Variants in EP300 observed in about 807,000 individuals in gnomAD.
EP300 encodes the protein histone acetyltransferase p300.
EP300 carries 31 observed loss-of-function variants against 264.0 expected under a neutral mutation model. The observed-to-expected ratio is 0.12, with a 90% CI of 0.09 to 0.16. The LOEUF is 0.16. Among genes scored for constraint, EP300 ranks in the 10% least tolerant of loss-of-function variants. EP300 has a pLI of 1.00. For missense variants in EP300, 2,766 were observed against 3,052.9 expected, an observed-to-expected ratio of 0.91 and a Z score of 2.21; for synonymous variants, 1,340 against 1,045.4, an observed-to-expected ratio of 1.28 and a Z score of -5.44.
intron 22 of EP300, 58 bp downstream of exon 22, chr22:41,164,188 G>T: frequency 6.8e-7 from 1 of 1,473,670 alleles, no homozygotes. Context: ...ATATTAACAA[G>T]TTTTTTATTC....
In EP300 at chr22:41,149,954, C is replaced by G. The variant is rs751375792; in HGVS notation, c.2573C>G (p.Thr858Arg). The G allele has an allele frequency of 6.2e-7, 1 of 1,613,636 alleles. No individual in the cohort carries two copies. Among genetic ancestry groups the G allele is most frequent in the Non-Finnish European group, 8.5e-7 (1 of 1,179,898 alleles). Residue 858 changes from threonine to arginine, a missense_variant, in exon 14 of 31, where the codon ACA (threonine) becomes AGA (arginine). Physicochemically the swap from Thr to Arg is moderately conservative, Grantham distance 71 (BLOSUM62 -1). Coordinates refer to ENST00000263253, the MANE Select transcript of EP300 (RefSeq NM_001429.4). ...SIGAQQPPATTIPAPVPTPPA... is the reference protein window; with the variant it reads ...SIGAQQPPATRIPAPVPTPPA... ...GGGGCTCAGCAGCCACCAGCAACAACAATTCCAGCCCCTGTTCCTACACCT... is the reference window on the plus strand; with the variant it reads ...GGGGCTCAGCAGCCACCAGCAACAAGAATTCCAGCCCCTGTTCCTACACCT...
chr22:41,148,791 T>A lies in EP300; in HGVS notation c.2242-247T>A. 3 of 553,014 alleles carry A rather than the reference T, an allele frequency of 5.4e-6. 1 individual carries two copies. The South Asian group carries it at 6.2e-5, about 11-fold the overall frequency. 34.3% of individuals were successfully genotyped at this position (553,014 alleles called of 1,614,324 possible). Reference sequence around the variant, plus strand: ...ATTTGTGTACCAAGAGAATGTGTGTTCCATCCTCTTACTATTTCTTGGAGT... The same window carrying A: ...ATTTGTGTACCAAGAGAATGTGTGTACCATCCTCTTACTATTTCTTGGAGT... On this transcript the variant is annotated intron_variant, in intron 12 of 30. Transcript: ENST00000263253.
rs1008340511 is a variant in EP300 at position 41,146,726 on chromosome 22, T to C, written c.2054-13T>C. 1 of 1,613,596 alleles carries C rather than the reference T, an allele frequency of 6.2e-7. No individual in the cohort carries two copies. The highest frequency in any genetic ancestry group is 1.3e-5 in the African/African-American group (1 of 75,044). On this transcript the variant is annotated splice_polypyrimidine_tract_variant and intron_variant, in intron 10 of 30. Transcript: ENST00000263253. Reference sequence around the variant, plus strand: ...GATGGTGCAAAGATACTTATTTCTCTTTTTTACTCTAGATGGCCCTCTACC... The same window carrying C: ...GATGGTGCAAAGATACTTATTTCTCCTTTTTACTCTAGATGGCCCTCTACC...
intron 3 of EP300, 60 bp from the exon 4 acceptor site, chr22:41,127,427 A>G (rs1420708580): frequency 1.1e-5 from 18 of 1,601,058 alleles, no homozygotes; most frequent in East Asian, 8.9e-5. Flanking sequence ...CCACATCTCT[A>G]TTTATTAAGA....
chr22:41,117,675 T>G lies in EP300; in HGVS notation c.583T>G (p.Ser195Ala). 6.2e-7 allele frequency: 1 copy of G among 1,614,160 alleles called. No homozygotes were observed. ...AATGCCTAATCAAGTCATGAACGGT[T>G]CAATTGGAGCAGGCCGAGGGCGACA... The part of the protein sequence containing the change: ...GIMPNQVMNG[S>A]IGAGRGRQNM... Residue 195 changes from serine to alanine, a missense_variant, in exon 2 of 31, where the codon TCA becomes GCA. Coordinates refer to ENST00000263253, the MANE Select transcript of EP300 (RefSeq NM_001429.4).
intron 1 of EP300, among the ~76,000 whole-genome samples, chr22:41,112,712 T>TG: frequency 6.6e-6 from 1 of 150,726 alleles, no homozygotes. Context: ...TTATATTGTT[T>TG]TTTTTTTTTA....
At chr22:41,153,881 A>C (rs2059061318) in intron 16 of EP300, among the ~76,000 whole-genome samples, 2 of 152,158 alleles carry the variant, frequency 1.3e-5, no homozygotes, top group African/African-American at 4.8e-5. Context: ...GCAACCCCCC[A>C]GAGGTGAAAA....
chr22:41,151,743 T>G, intron 14 of EP300, 90 bp from the exon 15 acceptor site: 1 of 1,344,454 alleles, frequency 7.4e-7, no homozygotes, highest in Non-Finnish European at 1.1e-6. Flanking sequence ...GGTGGCTAAT[T>G]CTGCTATCCT....
At chr22:41,134,295 G>A (rs115717156) in intron 6 of EP300, among the ~76,000 whole-genome samples, 9 of 151,624 alleles carry the variant, frequency 5.9e-5, no homozygotes, top group East Asian at 3.9e-4. Flanking sequence ...AGAAACGTAC[G>A]TGTGTGTTTG....
At chr22:41,176,164 G>A (rs2145511575) in intron 29 of EP300, 83 bp from the exon 30 acceptor site, 1 of 1,531,550 alleles carries the variant, frequency 6.5e-7, no homozygotes, top group Non-Finnish European at 9.0e-7. Flanking sequence ...AGGTTGTAGT[G>A]AGCCAAGATC....
intron 1 of EP300, among the ~76,000 whole-genome samples, chr22:41,097,421 C>G (rs144642799): frequency 7.3e-4 from 110 of 151,720 alleles, no homozygotes; most frequent in African/African-American, 2.6e-3. Flanking sequence ...TTGTGTTTTT[C>G]TTTGCTTTTC....
At chr22:41,169,454 A>G (rs1449454235) in intron 25 of EP300, 49 bp from the exon 26 acceptor site, 2 of 1,175,978 alleles carry the variant, frequency 1.7e-6, no homozygotes, top group Non-Finnish European at 2.5e-6. Context: ...AGAACTCATT[A>G]TGTGACCTGA....
intron 22 of EP300, 57 bp downstream of exon 22, chr22:41,164,187 A>G: frequency 1.4e-6 from 2 of 1,477,424 alleles, no homozygotes; most frequent in Non-Finnish European, 1.9e-6. Flanking sequence ...AATATTAACA[A>G]GTTTTTTATT....
At chr22:41,121,221 C>T (rs1263185912) in intron 2 of EP300, among the ~76,000 whole-genome samples, 1 of 152,014 alleles carries the variant, frequency 6.6e-6, no homozygotes, top group Non-Finnish European at 1.5e-5. Context: ...CTGCCTAGAA[C>T]TTTGTGTGGC....
chr22:41,177,815 A>G lies in EP300; in HGVS notation c.6104A>G (p.Gln2035Arg), dbSNP rs768280269. ...ATGGCTCCACAACCAGGATTGGGCC[A>G]GGTAGGTATCAGCCCACTCAAACCA... is the stretch of plus-strand genomic sequence containing the variant. ...LNMAPQPGLG[Q>R]VGISPLKPGT... The change falls in exon 31 of 31, where the codon CAG (glutamine) becomes CGG (arginine). Residue 2035 changes from glutamine (Q) to arginine (R), a missense_variant. Gln to Arg is a conservative substitution (Grantham distance 43, BLOSUM62 1). Transcript: ENST00000263253. The G allele has an allele frequency of 1.2e-6, 2 of 1,614,116 alleles. No homozygotes were observed. Among genetic ancestry groups the G allele is most frequent in the East Asian group, 2.2e-5 (1 of 44,888 alleles).
At chr22:41,130,614 A>G (rs2058913192) in intron 5 of EP300, among the ~76,000 whole-genome samples, 1 of 152,184 alleles carries the variant, frequency 6.6e-6, no homozygotes, top group Admixed American at 6.5e-5. Flanking sequence ...CTCAATACTT[A>G]TTATTTATAC....
At chr22:41,127,356 G>C (rs908079493) in intron 3 of EP300, 131 bp from the exon 4 acceptor site, 4 of 1,179,122 alleles carry the variant, frequency 3.4e-6, no homozygotes, top group African/African-American at 3.0e-5. Context: ...TGCATTCCCT[G>C]TGTCAAAAAA....
Position 41,168,746 on chromosome 22 carries a change from G to C in EP300, c.4051G>C (p.Glu1351Gln), listed in dbSNP as rs2059154120. 1.9e-6 allele frequency: 3 copies of C among 1,614,208 alleles called. No individual in the cohort carries two copies. Among genetic ancestry groups the C allele is most frequent in the Non-Finnish European group, 2.5e-6 (3 of 1,180,036 alleles). Residue 1351 changes from glutamate (E) to glutamine (Q), a missense_variant, in exon 25 of 31, where the codon GAA becomes CAA. Transcript: ENST00000263253. The part of the protein sequence containing the change: ...ARFVDSGEMA[E>Q]SFPYRTKALF... ...GTTTGTGGACAGTGGAGAGATGGCA[G>C]AATCCTTTCCATACCGAACCAAAGC...
At chr22:41,133,986 A>G (rs370395122) in intron 6 of EP300, among the ~76,000 whole-genome samples, 58 of 152,292 alleles carry the variant, frequency 3.8e-4, no homozygotes, top group African/African-American at 1.3e-3. Context: ...AGATAGTGAC[A>G]TGGAGCTTCT....
Sources: gnomAD v4.1 joint callset for allele counts (sites outside exome capture counted in the v4.1 genomes callset) on GRCh38, gnomAD v4.1.1 for gene constraint, MANE v1.5 for transcripts, NCBI Gene and HGNC (gene_info 2026-07-23, HGNC 2026-07-21) for gene names.